PACS1: variants seen among roughly 807,000 people sequenced by gnomAD.
The protein encoded by PACS1 is phosphofurin acidic cluster sorting protein 1, also known as PACS-1.
Under a neutral mutation model 115.0 loss-of-function variants are expected in PACS1, and 24 were observed. That is an observed-to-expected ratio of 0.21 (90% CI 0.15 to 0.29). The LOEUF is 0.29. PACS1 is among the 10% of genes least tolerant of loss of function. PACS1 has a pLI of 1.00. For synonymous variants in PACS1, 453 were observed against 504.5 expected (o/e 0.90, Z 1.37); for missense variants, 838 against 1,251.2 (o/e 0.67, Z 4.98).
At chr11:66,083,728 C>T (rs1010959784) in intron 1 of PACS1, among the ~76,000 whole-genome samples, 1 of 152,120 alleles carries the variant, frequency 6.6e-6, no homozygotes, top group Non-Finnish European at 1.5e-5. Flanking sequence ...AGGACTGTGG[C>T]TCTGTTTTCT....
chr11:66,152,984 A>T (rs569267299), intron 1 of PACS1, among the ~76,000 whole-genome samples: 4 of 152,354 alleles, frequency 2.6e-5, no homozygotes, highest in Non-Finnish European at 5.9e-5. Context: ...CCACTAAAAG[A>T]AGTTTTCAGA....
At chr11:66,147,236 A>G (rs1233637601) in intron 1 of PACS1, among the ~76,000 whole-genome samples, 8 of 152,196 alleles carry the variant, frequency 5.3e-5, no homozygotes, top group African/African-American at 1.2e-4. Context: ...ACGAAACAAA[A>G]CAAAATTTTT....
At chr11:66,113,335 C>G (rs1215425355) in intron 1 of PACS1, among the ~76,000 whole-genome samples, 1 of 152,234 alleles carries the variant, frequency 6.6e-6, no homozygotes, top group Non-Finnish European at 1.5e-5. Flanking sequence ...GACGTACTTA[C>G]ATTCCTGTTT....
rs1241494013 is a variant in PACS1, at chr11:66,202,743, ATATATATAT to A, written c.445-7618_445-7610del. Among the ~76,000 whole-genome samples, 509 of 58,898 alleles carry A rather than the reference ATATATATAT, an allele frequency of 8.6e-3. 35 individuals are homozygous for A. Among genetic ancestry groups the A allele is most frequent in the East Asian group, 0.047 (57 of 1,222 alleles). The allele number at this position is 58,898 out of a possible 152,430, so 38.6% of individuals were successfully genotyped here. A position where few individuals can be genotyped will look rare whatever the true frequency, so the allele number is the denominator to read the frequency against. On this transcript the variant is annotated intron_variant, in intron 2 of 23. Coordinates refer to ENST00000320580, the MANE Select transcript of PACS1 (RefSeq NM_018026.4). Reference sequence around the variant, plus strand: ...ATCTCTAGGAAAAAAAAAAAAAAAAATATATATATATATATATATATATATATATATATA... The same window carrying A: ...ATCTCTAGGAAAAAAAAAAAAAAAAAATATATATATATATATATATATATA...
At chr11:66,183,992 A>G (rs1227992987) in intron 1 of PACS1, among the ~76,000 whole-genome samples, 1 of 152,098 alleles carries the variant, frequency 6.6e-6, no homozygotes, top group Non-Finnish European at 1.5e-5. Flanking sequence ...TGTTACAGCC[A>G]GTCTTCAATC....
At chr11:66,205,861 A>G (rs1187781626) in intron 2 of PACS1, among the ~76,000 whole-genome samples, 1 of 152,148 alleles carries the variant, frequency 6.6e-6, no homozygotes, top group African/African-American at 2.4e-5. Flanking sequence ...AAACAGCAGT[A>G]ACCTGGCCGG....
rs184711412 is a variant in PACS1 at position 66,212,009 on chromosome 11, T to C, written c.660+750T>C. ...GGTTCGCCTGATGTTGCCTCAAGAT[T>C]AGATTCCACCTGTGTGTTTCTGGCA... is the stretch of plus-strand genomic sequence containing the variant. On this transcript the variant is annotated intron_variant, in intron 4 of 23. Coordinates refer to ENST00000320580, the MANE Select transcript of PACS1 (RefSeq NM_018026.4). 1.0e-3 allele frequency among the ~76,000 whole-genome samples: 156 copies of C among 152,332 alleles called. 1 individual carries two copies. Among genetic ancestry groups the C allele is most frequent in the African/African-American group, 3.4e-3 (141 of 41,576 alleles).
At chr11:66,186,942 C>T (rs1640477786) in intron 1 of PACS1, among the ~76,000 whole-genome samples, 1 of 152,212 alleles carries the variant, frequency 6.6e-6, no homozygotes, top group Non-Finnish European at 1.5e-5. Flanking sequence ...ACTGGCATCA[C>T]CACATGTTGG....
rs1162868053 is a variant in PACS1, at chr11:66,244,110, T to C, written c.*830T>C. 1 of 152,336 alleles carries C rather than the reference T, an allele frequency of 6.6e-6. No individual in the cohort carries two copies. The highest frequency in any genetic ancestry group is 1.5e-5 in the Non-Finnish European group (1 of 68,204). The allele number at this position is 152,336 out of a possible 1,614,324, so 9.4% of individuals were successfully genotyped here. ...GCTGTCTTCGTGGCTTCCACCCTTG[T>C]TAATGATGCTCCTGCCTCTGCCTCC... On this transcript the variant is annotated 3_prime_UTR_variant, in exon 24 of 24. Transcript: ENST00000320580.
chr11:66,180,502 G>A lies in PACS1; in HGVS notation c.357-12984G>A, dbSNP rs185060407. 7.0e-3 allele frequency among the ~76,000 whole-genome samples: 1,063 copies of A among 151,870 alleles called. 4 individuals are homozygous for A. The highest frequency in any genetic ancestry group is 0.016 in the Admixed American group (242 of 15,236). On this transcript the variant is annotated intron_variant, in intron 1 of 23. Transcript: ENST00000320580. ...CCTGAGTAGCTGGGATTACAGGCACGCACCACCACGCCTAGCTAATTTTTG... is the reference window on the plus strand; with the variant it reads ...CCTGAGTAGCTGGGATTACAGGCACACACCACCACGCCTAGCTAATTTTTG...
chr11:66,131,370 A>G (rs1202417421), intron 1 of PACS1, among the ~76,000 whole-genome samples: 1 of 152,206 alleles, frequency 6.6e-6, no homozygotes, highest in Admixed American at 6.5e-5. Context: ...AGATTTCTGT[A>G]TATACTGGGT....
chr11:66,216,838 C>A, intron 7 of PACS1, 63 bp downstream of exon 7: 3 of 1,099,364 alleles, frequency 2.7e-6, no homozygotes, highest in Non-Finnish European at 2.7e-6. Context: ...AGGTTGGCAG[C>A]AGCATATTCA....
At position 66,189,993 on chromosome 11, in the gene PACS1, C is replaced by T. The variant is rs182127793; in HGVS notation, c.357-3493C>T. On this transcript the variant is annotated intron_variant, in intron 1 of 23. Coordinates refer to ENST00000320580, the MANE Select transcript of PACS1 (RefSeq NM_018026.4). ...CTGTTTTATCTGATGTCTACTGTGA[C>T]GACGTGCTGCAGCTCTAAGACTAGC... Among the ~76,000 whole-genome samples the T allele has an allele frequency of 5.3e-5, 8 of 152,310 alleles. No homozygotes were observed. The South Asian group carries it at 8.3e-4, about 16-fold the overall frequency.
chr11:66,119,939 G>A (rs763661047), intron 1 of PACS1, among the ~76,000 whole-genome samples: 37 of 152,222 alleles, frequency 2.4e-4, no homozygotes, highest in Middle Eastern at 3.4e-3. Flanking sequence ...ATGGTGGAAG[G>A]AGTGACCTCA....
At chr11:66,116,438 G>T (rs989117613) in intron 1 of PACS1, among the ~76,000 whole-genome samples, 4 of 152,194 alleles carry the variant, frequency 2.6e-5, no homozygotes, top group African/African-American at 9.6e-5. Flanking sequence ...GAACCTAGAA[G>T]AACTGCCTTT....
intron 1 of PACS1, among the ~76,000 whole-genome samples, chr11:66,105,215 G>A (rs755820292): frequency 6.6e-6 from 1 of 152,074 alleles, no homozygotes; most frequent in Non-Finnish European, 1.5e-5. Context: ...CCTGAGGTAG[G>A]GAGTTTGAGA....
intron 1 of PACS1, among the ~76,000 whole-genome samples, chr11:66,112,044 G>A (rs557531333): frequency 1.3e-5 from 2 of 152,132 alleles, no homozygotes; most frequent in Admixed American, 6.5e-5. Flanking sequence ...CTCTCCTGTC[G>A]TTCACACCAC....
At chr11:66,239,480 A>C (rs1435723419) in intron 21 of PACS1, among the ~76,000 whole-genome samples, 1 of 152,036 alleles carries the variant, frequency 6.6e-6, no homozygotes, top group Non-Finnish European at 1.5e-5. Flanking sequence ...TGACTGCGCC[A>C]CTGCACTGTA....
chr11:66,073,199 A>G (rs887514328), intron 1 of PACS1, among the ~76,000 whole-genome samples: 4 of 152,190 alleles, frequency 2.6e-5, no homozygotes, highest in Non-Finnish European at 4.4e-5. Flanking sequence ...AGGCCAGAAT[A>G]ACACTCTGTG....
Sources: allele counts gnomAD v4.1 joint callset (sites outside exome capture counted in the v4.1 genomes callset), GRCh38; gene constraint gnomAD v4.1.1; transcripts MANE v1.5; gene names NCBI Gene and HGNC (gene_info 2026-07-23, HGNC 2026-07-21).